The following SIK3 variants were observed in gnomAD, a reference collection of about 807,000 sequenced individuals.
SIK3 encodes SIK family kinase 3, also known as serine/threonine-protein kinase SIK3.
A neutral mutation model predicts 144.2 loss-of-function variants in SIK3; 28 were observed. The observed-to-expected ratio is 0.19, with a 90% CI of 0.14 to 0.27. The LOEUF is 0.27. SIK3 is among the 10% of genes least tolerant of loss of function. The pLI, the probability that SIK3 is intolerant of heterozygous loss-of-function variation, is 1.00. For synonymous variants in SIK3, 686 were observed against 676.3 expected (o/e 1.01, Z -0.22); for missense variants, 1,319 against 1,776.0 (o/e 0.74, Z 4.62).
At chr11:116,850,948 G>A (rs929290834) in intron 21 of SIK3, among the ~76,000 whole-genome samples, 4 of 152,206 alleles carry the variant, frequency 2.6e-5, no homozygotes, top group African/African-American at 9.7e-5. Flanking sequence ...GGCAGAGATT[G>A]CAGTGAGCCA....
chr11:117,038,477 C>A (rs568110595), intron 1 of SIK3, among the ~76,000 whole-genome samples: 4 of 151,944 alleles, frequency 2.6e-5, no homozygotes, highest in African/African-American at 9.7e-5. Context: ...CTGCCTCAGC[C>A]TCCAGAGTAG....
intron 6 of SIK3, among the ~76,000 whole-genome samples, chr11:116,883,994 A>G (rs965653586): frequency 3.9e-5 from 6 of 152,088 alleles, no homozygotes; most frequent in Non-Finnish European, 7.4e-5. Flanking sequence ...TAACCTATAG[A>G]TACATTCAGA....
At chr11:117,016,367 A>AG (rs1448387485) in intron 1 of SIK3, among the ~76,000 whole-genome samples, 3 of 68,612 alleles carry the variant, frequency 4.4e-5, no homozygotes, top group African/African-American at 1.4e-4. Context: ...GGAGGGAGGG[A>AG]AGGAGAGGGA....
At chr11:116,898,558 C>A (rs1021262750) in intron 4 of SIK3, among the ~76,000 whole-genome samples, 3 of 152,104 alleles carry the variant, frequency 2.0e-5, no homozygotes, top group Non-Finnish European at 4.4e-5. Flanking sequence ...ACACTGACTT[C>A]CACAATGGTG....
chr11:116,861,159 C>A (rs1259452174), intron 19 of SIK3, 115 bp downstream of exon 19: 3 of 826,226 alleles, frequency 3.6e-6, no homozygotes, highest in Non-Finnish European at 5.8e-6. Context: ...GAGTCCATAC[C>A]CCTGAATACT....
intron 1 of SIK3, among the ~76,000 whole-genome samples, chr11:117,086,009 C>T (rs1954988099): frequency 6.6e-6 from 1 of 152,172 alleles, no homozygotes; most frequent in African/African-American, 2.4e-5. Context: ...TTCTGATTTT[C>T]CTGCTTTATC....
chr11:116,863,828 T>C lies in SIK3; in HGVS notation c.1953-10A>G, dbSNP rs770801743. The C allele has an allele frequency of 2.5e-6, 4 of 1,595,322 alleles. No homozygotes were observed. Among genetic ancestry groups the C allele is most frequent in the Non-Finnish European group, 3.4e-6 (4 of 1,169,382 alleles). On this transcript the variant is annotated splice_polypyrimidine_tract_variant and intron_variant, in intron 15 of 24. Coordinates refer to ENST00000445177, the MANE Select transcript of SIK3 (RefSeq NM_001366686.3). ...GTCCTTGTAGGTAGAGCTGAATATA[T>C]GGGAAGAGAAGGTTAGAGGCTAGGA... is the stretch of plus-strand genomic sequence containing the variant.
At chr11:117,092,750 G>A (rs781773809) in intron 1 of SIK3, among the ~76,000 whole-genome samples, 28 of 152,190 alleles carry the variant, frequency 1.8e-4, no homozygotes, top group Non-Finnish European at 3.7e-4. Flanking sequence ...GCTCTGGTGA[G>A]TAGAAAGCAT....
chr11:117,040,417 T>C (rs1278425533), intron 1 of SIK3, among the ~76,000 whole-genome samples: 2 of 152,216 alleles, frequency 1.3e-5, no homozygotes, highest in African/African-American at 4.8e-5. Context: ...ATAGCTAAGC[T>C]ACAAGCTTCT....
intron 1 of SIK3, among the ~76,000 whole-genome samples, chr11:117,071,298 A>C (rs1954269995): frequency 6.6e-6 from 1 of 152,136 alleles, no homozygotes; most frequent in African/African-American, 2.4e-5. Flanking sequence ...ATATCAATAA[A>C]TGCTAAATTG....
At chr11:117,073,895 C>T (rs1224392603) in intron 1 of SIK3, among the ~76,000 whole-genome samples, 1 of 152,164 alleles carries the variant, frequency 6.6e-6, no homozygotes, top group Admixed American at 6.5e-5. Context: ...TTCACTATGG[C>T]CTATGTTCTT....
intron 3 of SIK3, among the ~76,000 whole-genome samples, chr11:116,933,743 C>T (rs1361013738): frequency 6.6e-6 from 1 of 152,146 alleles, no homozygotes; most frequent in African/African-American, 2.4e-5. Flanking sequence ...TACACTCAAA[C>T]AATTAAGTCT....
chr11:116,918,343 A>C (rs1450419286), intron 4 of SIK3, among the ~76,000 whole-genome samples: 1 of 152,082 alleles, frequency 6.6e-6, no homozygotes, highest in African/African-American at 2.4e-5. Flanking sequence ...CTGTAGAGGG[A>C]GGAGGCAAGC....
At chr11:117,035,694 A>G in intron 1 of SIK3, 2 of 784,310 alleles carry the variant, frequency 2.6e-6, no homozygotes, top group Non-Finnish European at 4.2e-6. Context: ...AGCTGGGACT[A>G]CAGGTGCATG....
intron 1 of SIK3, among the ~76,000 whole-genome samples, chr11:117,015,020 C>T (rs1035118200): frequency 2.0e-5 from 3 of 152,062 alleles, no homozygotes; most frequent in Admixed American, 6.6e-5. Context: ...GCTGTGATCA[C>T]GCCACTGCAC....
chr11:116,860,042 C>T (rs995213817), intron 19 of SIK3, among the ~76,000 whole-genome samples: 22 of 152,200 alleles, frequency 1.4e-4, no homozygotes, highest in East Asian at 9.7e-4. Context: ...GTCAGGAGTT[C>T]GAGACCAGCC....
At chr11:116,870,469 C>G in intron 13 of SIK3, 68 bp from the exon 14 acceptor site, 1 of 1,606,838 alleles carries the variant, frequency 6.2e-7, no homozygotes, top group East Asian at 2.2e-5. Flanking sequence ...ACTCTAGTAA[C>G]TGGGCTTGGG....
At chr11:116,877,109 AG>A in intron 6 of SIK3, 67 bp from the exon 7 acceptor site, 1 of 1,396,158 alleles carries the variant, frequency 7.2e-7, no homozygotes, top group Non-Finnish European at 1.0e-6. Flanking sequence ...TAGAGGAACC[AG>A]GGGCAAAGCC....
At chr11:117,050,954 A>T (rs1352616777) in intron 1 of SIK3, among the ~76,000 whole-genome samples, 1 of 152,166 alleles carries the variant, frequency 6.6e-6, no homozygotes, top group African/African-American at 2.4e-5. Flanking sequence ...TGCCAAGTTG[A>T]CTAAGCTAAG....
Sources: allele counts gnomAD v4.1 joint callset (sites outside exome capture counted in the v4.1 genomes callset), GRCh38; gene constraint gnomAD v4.1.1; transcripts MANE v1.5; gene names NCBI Gene and HGNC (gene_info 2026-07-23, HGNC 2026-07-21).